Variants in SMARCAD1 observed in about 807,000 individuals in gnomAD.
SMARCAD1 encodes SNF2 related chromatin remodeling ATPase with DExD box 1, also known as SWI/SNF-related matrix-associated actin-dependent regulator of chromatin subfamily A containing DEAD/H box 1.
Under a neutral mutation model 127.1 loss-of-function variants are expected in SMARCAD1, and 25 were observed. The ratio of observed to expected loss-of-function variants is 0.20; its 90% CI spans 0.14 to 0.27. SMARCAD1 has a LOEUF of 0.27. SMARCAD1 is among the 10% of genes least tolerant of loss of function. SMARCAD1 has a pLI of 1.00. For synonymous variants in SMARCAD1, 400 were observed against 396.9 expected (o/e 1.01, Z -0.09); for missense variants, 807 against 1,206.0 (o/e 0.67, Z 4.90).
chr4:94,217,935 A>G (rs1163803527), intron 2 of SMARCAD1, among the ~76,000 whole-genome samples: 1 of 152,186 alleles, frequency 6.6e-6, no homozygotes, highest in Non-Finnish European at 1.5e-5. Flanking sequence ...CAAATCTAAC[A>G]ATCTGTGTGC....
chr4:94,213,406 G>A lies in SMARCAD1; in HGVS notation c.190+4822G>A, dbSNP rs145191107. Among the ~76,000 whole-genome samples the A allele has an allele frequency of 4.9e-3, 751 of 152,236 alleles. 2 individuals carry two copies. The highest frequency in any genetic ancestry group is 0.017 in the African/African-American group (703 of 41,552). ...CCTCCAAGAGTCTAATATGTGTGTG[G>A]AGGGTTGGGGGCAGATTATAGAACA... On this transcript the variant is annotated intron_variant, in intron 2 of 23. Transcript: ENST00000354268.
chr4:94,270,915 G>GT, intron 11 of SMARCAD1, 97 bp downstream of exon 11: 1 of 998,670 alleles, frequency 1.0e-6, no homozygotes, highest in African/African-American at 1.6e-5. Flanking sequence ...TGCTACTGTA[G>GT]TTAACTACTG....
chr4:94,243,598 T>C (rs1438563279), intron 6 of SMARCAD1, among the ~76,000 whole-genome samples: 1 of 152,218 alleles, frequency 6.6e-6, no homozygotes, highest in Non-Finnish European at 1.5e-5. Flanking sequence ...TGTGAATTTA[T>C]TCCAGTGTTA....
At chr4:94,280,983 A>G (rs1298804381) in intron 20 of SMARCAD1, among the ~76,000 whole-genome samples, 1 of 60,646 alleles carries the variant, frequency 1.6e-5, no homozygotes, top group Non-Finnish European at 4.0e-5. Context: ...ATAGAAAGTT[A>G]GTAGACTGTA....
At chr4:94,208,651 A>T in intron 2 of SMARCAD1, 67 bp downstream of exon 2, 2 of 1,437,592 alleles carry the variant, frequency 1.4e-6, no homozygotes, top group Non-Finnish European at 2.0e-6. Flanking sequence ...GGCAGAAGGG[A>T]TTCTCATTTT....
chr4:94,216,632 AGCCCCCG>A (rs1468158547), intron 2 of SMARCAD1, among the ~76,000 whole-genome samples: 2 of 152,102 alleles, frequency 1.3e-5, no homozygotes, highest in Non-Finnish European at 2.9e-5. Context: ...TGATTCCCCC[AGCCCCCG>A]GCAACTACCG....
At chr4:94,225,979 T>C in intron 2 of SMARCAD1, 140 bp from the exon 3 acceptor site, 1 of 752,888 alleles carries the variant, frequency 1.3e-6, no homozygotes, top group Non-Finnish European at 2.1e-6. Flanking sequence ...TTAATTTTTT[T>C]CTTTAAAAAG....
At chr4:94,265,606 G>A (rs1751627528) in intron 10 of SMARCAD1, among the ~76,000 whole-genome samples, 1 of 151,666 alleles carries the variant, frequency 6.6e-6, no homozygotes, top group Non-Finnish European at 1.5e-5. Flanking sequence ...TGGGGTGGGG[G>A]AAATTGTGTT....
Position 94,276,993 on chromosome 4 carries a change from G to A in SMARCAD1, c.1945-29G>A, listed in dbSNP as rs200310469. On this transcript the variant is annotated intron_variant, in intron 15 of 23. Transcript: ENST00000354268. ...GAAAGGAGTGGCTCTTTAAGAAAAA[G>A]CTAATATAAATTTTACCTTCATTCA... 8,036 of 1,613,420 alleles carry A rather than the reference G, an allele frequency of 5.0e-3. 328 individuals carry two copies. The South Asian group carries it at 0.072, about 14-fold the overall frequency.
At chr4:94,243,774 A>G (rs1747972416) in intron 6 of SMARCAD1, among the ~76,000 whole-genome samples, 4 of 152,198 alleles carry the variant, frequency 2.6e-5, no homozygotes, top group Admixed American at 2.6e-4. Flanking sequence ...TTTACCATGT[A>G]TATTATCCTG....
rs1753026267 is a variant in SMARCAD1 at position 94,274,759 on chromosome 4, A to G, written c.1694A>G (p.Asn565Ser). Residue 565 changes from asparagine (N) to serine (S), a missense_variant, in exon 13 of 24, where the codon AAT becomes AGT. By Grantham distance (46) the Asn-to-Ser change is conservative. This residue lies in a region of SMARCAD1 where 148 missense variants were observed against 313.2 expected (regional missense o/e 0.47). Transcript: ENST00000354268. The stretch of plus-strand genomic sequence containing the variant: ...ATAGATAACTGGTTAAGGGAAGTTA[A>G]TTTATGGTGCCCTACTTTGAAGGTC... ...STIDNWLREV[N>S]LWCPTLKVLC... 1 of 1,613,982 alleles carries G rather than the reference A, an allele frequency of 6.2e-7. No individual in the cohort carries two copies. The highest frequency in any genetic ancestry group is 1.7e-4 in the Middle Eastern group (1 of 6,060).
chr4:94,225,592 A>G (rs1744864321), intron 2 of SMARCAD1, among the ~76,000 whole-genome samples: 2 of 152,340 alleles, frequency 1.3e-5, no homozygotes, highest in South Asian at 4.1e-4. Context: ...AGGAGTACAC[A>G]GTTCAGCCCA....
At chr4:94,212,138 T>C (rs1358282569) in intron 2 of SMARCAD1, among the ~76,000 whole-genome samples, 1 of 152,116 alleles carries the variant, frequency 6.6e-6, no homozygotes, top group Non-Finnish European at 1.5e-5. Context: ...GCATGATGAG[T>C]GGGCATTATT....
intron 2 of SMARCAD1, among the ~76,000 whole-genome samples, chr4:94,211,115 A>G (rs1742173875): frequency 1.3e-5 from 2 of 151,616 alleles, no homozygotes; most frequent in African/African-American, 4.9e-5. Flanking sequence ...TCTACTAAAA[A>G]TATAAAATTA....
At chr4:94,243,891 C>T (rs376354117) in intron 6 of SMARCAD1, among the ~76,000 whole-genome samples, 1 of 152,140 alleles carries the variant, frequency 6.6e-6, no homozygotes, top group South Asian at 2.1e-4. Flanking sequence ...AAAAATGCCA[C>T]ACAGTACATG....
chr4:94,238,454 A>G (rs144526502), intron 5 of SMARCAD1, among the ~76,000 whole-genome samples: 19 of 152,204 alleles, frequency 1.2e-4, no homozygotes, highest in Admixed American at 4.6e-4. Flanking sequence ...GTTAGCAACT[A>G]TTTGTTTAAG....
At chr4:94,216,249 T>C (rs1743160511) in intron 2 of SMARCAD1, among the ~76,000 whole-genome samples, 1 of 152,126 alleles carries the variant, frequency 6.6e-6, no homozygotes, top group African/African-American at 2.4e-5. Context: ...ACCATTACCA[T>C]AATGGTTAAG....
intron 3 of SMARCAD1, among the ~76,000 whole-genome samples, chr4:94,233,381 G>A (rs1746143691): frequency 6.6e-6 from 1 of 152,134 alleles, no homozygotes; most frequent in African/African-American, 2.4e-5. Flanking sequence ...AACATATGAA[G>A]TTAAATAGAA....
chr4:94,249,708 A>C lies in SMARCAD1; in HGVS notation c.760A>C (p.Ser254Arg). ...TAGCAGTAATTGGGAAAAGCAGGAA[A>C]GTATTGTACTGAAATTGCAAAAGGA... ...ESSSNWEKQE[S>R]IVLKLQKEFP... The change falls in exon 7 of 24, where the codon AGT becomes CGT. Residue 254 changes from serine to arginine, a missense_variant. Ser to Arg is a moderately radical substitution (Grantham distance 110). Around this residue, in one of 8 missense-constraint regions of SMARCAD1, gnomAD observed 257 missense variants for 303.4 expected, o/e 0.85. Transcript: ENST00000354268. 6.2e-7 allele frequency: 1 copy of C among 1,610,824 alleles called. No individual in the cohort carries two copies. The highest frequency in any genetic ancestry group is 1.1e-5 in the South Asian group (1 of 90,962).
Sources: gnomAD v4.1 joint callset for allele counts (sites outside exome capture counted in the v4.1 genomes callset) on GRCh38, gnomAD v4.1.1 for gene constraint, gnomAD v4.1.1 regional missense constraint, MANE v1.5 for transcripts, NCBI Gene and HGNC (gene_info 2026-07-23, HGNC 2026-07-21) for gene names.